Variants in NCAM1 observed in about 807,000 individuals in gnomAD.
The protein encoded by NCAM1 is neural cell adhesion molecule 1.
NCAM1 carries 14 observed loss-of-function variants against 109.8 expected under a neutral mutation model. The observed-to-expected ratio is 0.13, with a 90% CI of 0.08 to 0.20. The LOEUF (loss-of-function observed/expected upper bound fraction) is 0.20. NCAM1 is among the 10% of genes least tolerant of loss of function. The pLI is 1.00. For missense variants in NCAM1, 774 were observed against 1,109.9 expected, an observed-to-expected ratio of 0.70 and a Z score of 4.30; for synonymous variants, 418 against 442.9, an observed-to-expected ratio of 0.94 and a Z score of 0.70.
intron 1 of NCAM1, among the ~76,000 whole-genome samples, chr11:113,144,619 C>T (rs1186636487): frequency 6.6e-6 from 1 of 152,186 alleles, no homozygotes; most frequent in East Asian, 1.9e-4. Context: ...CTACTCATTA[C>T]CCAAGGCAAT....
chr11:113,205,673 C>T lies in NCAM1; in HGVS notation c.490+7C>T, dbSNP rs560214539. On this transcript the variant is annotated splice_region_variant and intron_variant, in intron 4 of 19. Coordinates refer to ENST00000316851, the MANE Select transcript of NCAM1 (RefSeq NM_181351.5). ...GTCATCCTGAAAAAAGATGGTGAGACCTGAATTTCCTGGCATCTGCCTTTT... is the reference window on the plus strand; with the variant it reads ...GTCATCCTGAAAAAAGATGGTGAGATCTGAATTTCCTGGCATCTGCCTTTT... 95 of 1,611,536 alleles carry T rather than the reference C, an allele frequency of 5.9e-5. No individual in the cohort carries two copies. In the South Asian group the frequency reaches 9.8e-4, roughly 17 times the overall value.
At chr11:113,134,419 GC>G (rs1941524750) in intron 1 of NCAM1, among the ~76,000 whole-genome samples, 1 of 151,988 alleles carries the variant, frequency 6.6e-6, no homozygotes, top group African/African-American at 2.4e-5. Flanking sequence ...TCACTTCTTT[GC>G]TACTGGGTCG....
chr11:113,189,173 C>T (rs1017199714), intron 1 of NCAM1, among the ~76,000 whole-genome samples: 15 of 151,974 alleles, frequency 9.9e-5, no homozygotes, highest in African/African-American at 3.4e-4. Context: ...TAGCCTCGGC[C>T]GGGCACGGTG....
At chr11:113,262,659 AT>A (rs1298668433) in intron 17 of NCAM1, among the ~76,000 whole-genome samples, 7 of 151,642 alleles carry the variant, frequency 4.6e-5, no homozygotes, top group Non-Finnish European at 1.0e-4. Flanking sequence ...AGTTGACCTA[AT>A]TTTTTTTCTT....
intron 8 of NCAM1, 77 bp downstream of exon 8, chr11:113,214,588 CTTTGGG>C: frequency 1.4e-6 from 2 of 1,477,828 alleles, no homozygotes; most frequent in Middle Eastern, 1.8e-4. Context: ...GCCCAGTTCT[CTTTGGG>C]GAGCTGGGAG....
At chr11:113,255,435 T>C (rs1945807362) in intron 15 of NCAM1, among the ~76,000 whole-genome samples, 1 of 152,064 alleles carries the variant, frequency 6.6e-6, no homozygotes, top group Non-Finnish European at 1.5e-5. Context: ...GGCAAGAAAC[T>C]GGGCTGTTTT....
chr11:113,237,483 C>T, intron 14 of NCAM1, among the ~76,000 whole-genome samples: 1 of 152,234 alleles, frequency 6.6e-6, no homozygotes, highest in Non-Finnish European at 1.5e-5. Context: ...TGAACCAGCT[C>T]TCGAAGGCAT....
intron 1 of NCAM1, among the ~76,000 whole-genome samples, chr11:113,037,560 A>G (rs1952932924): frequency 6.6e-6 from 1 of 152,180 alleles, no homozygotes; most frequent in South Asian, 2.1e-4. Flanking sequence ...GGTCTGTTAT[A>G]TAGGAGTTCA....
At chr11:112,982,576 A>T (rs1951182301) in intron 1 of NCAM1, among the ~76,000 whole-genome samples, 1 of 151,790 alleles carries the variant, frequency 6.6e-6, no homozygotes, top group Admixed American at 6.6e-5. Flanking sequence ...AGGTGATGGG[A>T]GGTGGAATTG....
chr11:113,246,025 G>A (rs1346450470), intron 14 of NCAM1: 4 of 327,346 alleles, frequency 1.2e-5, no homozygotes, highest in African/African-American at 8.4e-5. Context: ...TGCTCCTGAT[G>A]TGGTATTAAT....
intron 1 of NCAM1, among the ~76,000 whole-genome samples, chr11:113,138,442 A>C (rs1555099862): frequency 1.3e-5 from 2 of 152,232 alleles, no homozygotes; most frequent in African/African-American, 4.8e-5. Flanking sequence ...CCAACAGCTC[A>C]GTGCTTTCAA....
intron 15 of NCAM1, among the ~76,000 whole-genome samples, chr11:113,253,976 A>C (rs1591462641): frequency 6.6e-6 from 1 of 152,330 alleles, no homozygotes; most frequent in Middle Eastern, 3.4e-3. Flanking sequence ...CAATTTAATC[A>C]GAGAATACAA....
At chr11:113,113,412 T>C (rs1940539681) in intron 1 of NCAM1, among the ~76,000 whole-genome samples, 1 of 152,172 alleles carries the variant, frequency 6.6e-6, no homozygotes, top group African/African-American at 2.4e-5. Flanking sequence ...CCATTGTTCA[T>C]TTGAATTTGT....
chr11:113,095,536 G>A (rs1350064524), intron 1 of NCAM1, among the ~76,000 whole-genome samples: 1 of 152,180 alleles, frequency 6.6e-6, no homozygotes, highest in Non-Finnish European at 1.5e-5. Flanking sequence ...TCCTCCCAGG[G>A]GTCCTGAAAC....
At chr11:113,150,414 T>C (rs1555102250) in intron 1 of NCAM1, among the ~76,000 whole-genome samples, 1 of 152,222 alleles carries the variant, frequency 6.6e-6, no homozygotes, top group African/African-American at 2.4e-5. Flanking sequence ...TATGCATGCC[T>C]CTCTGAGCTG....
intron 18 of NCAM1, among the ~76,000 whole-genome samples, chr11:113,271,451 T>C (rs782723332): frequency 1.3e-5 from 2 of 151,094 alleles, no homozygotes; most frequent in Non-Finnish European, 2.9e-5. Flanking sequence ...CAGATGTATG[T>C]ATTTGAGCAA....
At chr11:113,226,600 T>C (rs1251980272) in intron 9 of NCAM1, among the ~76,000 whole-genome samples, 4 of 152,034 alleles carry the variant, frequency 2.6e-5, no homozygotes, top group Non-Finnish European at 4.4e-5. Context: ...TCTACAGAAC[T>C]CTCCACCCCA....
At position 113,093,110 on chromosome 11, in the gene NCAM1, G is replaced by A. The variant is rs560738958; in HGVS notation, c.53-109269G>A. On this transcript the variant is annotated intron_variant, in intron 1 of 19. Transcript: ENST00000316851. ...GAACAAACACCGAGCATTAGAAATTGCCTGCTCTGCTCCAGCTATATTTTG... is the reference window on the plus strand; with the variant it reads ...GAACAAACACCGAGCATTAGAAATTACCTGCTCTGCTCCAGCTATATTTTG... 1.3e-3 allele frequency among the ~76,000 whole-genome samples: 203 copies of A among 152,276 alleles called. 1 individual carries two copies. The highest frequency in any genetic ancestry group is 4.6e-3 in the African/African-American group (193 of 41,544).
At chr11:113,210,793 CA>C (rs1944366735) in intron 7 of NCAM1, among the ~76,000 whole-genome samples, 1 of 149,606 alleles carries the variant, frequency 6.7e-6, no homozygotes, top group Admixed American at 6.6e-5. Context: ...CACACACACA[CA>C]CACACACACA....
Sources: allele counts gnomAD v4.1 joint callset (sites outside exome capture counted in the v4.1 genomes callset), GRCh38; gene constraint gnomAD v4.1.1; transcripts MANE v1.5; gene names NCBI Gene and HGNC (gene_info 2026-07-23, HGNC 2026-07-21).